The following NOX4 variants were observed in gnomAD, a reference collection of about 807,000 sequenced individuals.
The protein encoded by NOX4 is kidney oxidase-1.
In NOX4, 69 loss-of-function variants were observed where a neutral mutation model predicts 87.6. That is an observed-to-expected ratio of 0.79 (90% confidence interval 0.65 to 0.96). NOX4 has a LOEUF of 0.96. Ranked by LOEUF, NOX4 falls within the 40% of genes least tolerant of loss-of-function variation. The probability of loss-of-function intolerance (pLI) is 0.00; values close to 1 mark genes in which losing one functional copy is unlikely to be tolerated. For synonymous variants in NOX4, 275 were observed against 238.2 expected (o/e 1.15, Z -1.42); for missense variants, 680 against 681.5 (o/e 1.00, Z 0.02).
rs548582407 is a variant in NOX4 at position 89,416,067 on chromosome 11, T to C, written c.629+5835A>G. Among the ~76,000 whole-genome samples, 10 of 152,264 alleles carry C rather than the reference T, an allele frequency of 6.6e-5. No homozygotes were observed. The South Asian group carries it at 2.1e-3, about 32-fold the overall frequency. The stretch of plus-strand genomic sequence containing the variant: ...CATTAAAACAGTGCATTAGCCTCTC[T>C]TAAAACTTTCCCCACTGCCTAGGAG... On this transcript the variant is annotated intron_variant, in intron 8 of 17. Transcript: ENST00000263317.
chr11:89,349,716 C>T (rs926507113), intron 13 of NOX4, among the ~76,000 whole-genome samples: 14 of 152,146 alleles, frequency 9.2e-5, no homozygotes, highest in Non-Finnish European at 1.6e-4. Context: ...TTTATGAGAA[C>T]CAAGTAGAAA....
intron 2 of NOX4, among the ~76,000 whole-genome samples, chr11:89,482,231 T>C (rs1946421692): frequency 6.6e-6 from 1 of 152,040 alleles, no homozygotes; most frequent in South Asian, 2.1e-4. Flanking sequence ...CATTCTGGAA[T>C]GCTAGTGCTC....
chr11:89,434,909 C>G (rs746059874), intron 6 of NOX4, among the ~76,000 whole-genome samples: 13 of 152,006 alleles, frequency 8.6e-5, no homozygotes, highest in Non-Finnish European at 1.6e-4. Flanking sequence ...TATAACATTC[C>G]AGAAAATTCA....
the NOX4 span, among the ~76,000 whole-genome samples, chr11:89,538,210 G>A: frequency 2.0e-5 from 3 of 152,264 alleles, no homozygotes; most frequent in East Asian, 3.9e-4. Flanking sequence ...AAACCTGGCT[G>A]CATTTGTTTG....
At chr11:89,371,113 C>G (rs924793617) in intron 12 of NOX4, among the ~76,000 whole-genome samples, 3 of 151,940 alleles carry the variant, frequency 2.0e-5, no homozygotes, top group African/African-American at 7.2e-5. Context: ...ACCAATGATT[C>G]TTGATTTTGA....
At chr11:89,560,454 G>A in the NOX4 span, among the ~76,000 whole-genome samples, 8 of 152,096 alleles carry the variant, frequency 5.3e-5, no homozygotes, top group African/African-American at 1.9e-4. Flanking sequence ...GACAGCAATT[G>A]TGATGGTTAA....
At chr11:89,403,682 C>A (rs925334501) in intron 8 of NOX4, among the ~76,000 whole-genome samples, 9 of 152,014 alleles carry the variant, frequency 5.9e-5, no homozygotes, top group African/African-American at 1.7e-4. Context: ...GCGGAGGTTG[C>A]GGTGACCCTG....
the NOX4 span, among the ~76,000 whole-genome samples, chr11:89,532,890 T>G: frequency 6.6e-6 from 1 of 152,120 alleles, no homozygotes; most frequent in Non-Finnish European, 1.5e-5. Context: ...CCCTGCTCAC[T>G]CTTCCTCTCT....
the NOX4 span, among the ~76,000 whole-genome samples, chr11:89,560,996 C>CTATATATATATATA: frequency 1.2e-4 from 5 of 40,802 alleles, no homozygotes; most frequent in African/African-American, 5.2e-4. Context: ...CTCTCTCTCT[C>CTATATATATATATA]TATATATATA....
the NOX4 span, among the ~76,000 whole-genome samples, chr11:89,554,681 G>A: frequency 6.6e-6 from 1 of 152,078 alleles, no homozygotes; most frequent in Admixed American, 6.6e-5. Flanking sequence ...CTAAATCTAT[G>A]ACCCTCAGTT....
At chr11:89,542,282 C>T in the NOX4 span, among the ~76,000 whole-genome samples, 302 of 152,264 alleles carry the variant, frequency 2.0e-3, 2 homozygotes, top group Non-Finnish European at 2.7e-3. Context: ...AATTATAAAA[C>T]GAAAATATTA....
chr11:89,426,651 G>A (rs1001417505), intron 7 of NOX4, among the ~76,000 whole-genome samples: 5 of 152,152 alleles, frequency 3.3e-5, no homozygotes, highest in African/African-American at 1.2e-4. Flanking sequence ...AGATCGAAAT[G>A]CAAGGCAGCA....
chr11:89,484,590 C>T (rs1946514614), intron 2 of NOX4, among the ~76,000 whole-genome samples: 1 of 152,022 alleles, frequency 6.6e-6, no homozygotes, highest in African/African-American at 2.4e-5. Context: ...GACCAAGTCA[C>T]TAATTCAGTA....
At chr11:89,354,617 C>T (rs113556550) in intron 13 of NOX4, among the ~76,000 whole-genome samples, 1 of 152,046 alleles carries the variant, frequency 6.6e-6, no homozygotes, top group Admixed American at 6.6e-5. Context: ...ATTTAAAGGA[C>T]AGTAAATAGA....
At chr11:89,379,372 TA>T (rs201827736) in intron 11 of NOX4, among the ~76,000 whole-genome samples, 1,917 of 145,452 alleles carry the variant, frequency 0.013, 29 homozygotes, top group African/African-American at 0.039. Context: ...GGCTCATCAT[TA>T]AAAAAAAAAA....
chr11:89,496,411 A>AT (rs1946951053), upstream of NOX4, among the ~76,000 whole-genome samples: 1 of 152,212 alleles, frequency 6.6e-6, no homozygotes, highest in Non-Finnish European at 1.5e-5. Flanking sequence ...TTTATTTAGA[A>AT]TTGCCCTACA....
chr11:89,496,997 G>A (rs144291442), upstream of NOX4, among the ~76,000 whole-genome samples: 51 of 152,130 alleles, frequency 3.4e-4, 1 homozygote, highest in African/African-American at 1.2e-3. Flanking sequence ...TTCCAAGAGC[G>A]AATACACCTG....
chr11:89,570,001 CAAAAAAA>C, the NOX4 span, among the ~76,000 whole-genome samples: 754 of 109,950 alleles, frequency 6.9e-3, 3 homozygotes, highest in African/African-American at 0.015. Context: ...GACTCTGTCT[CAAAAAAA>C]AAAAAAAAAG....
chr11:89,436,609 A>G (rs1259326238), intron 6 of NOX4, among the ~76,000 whole-genome samples: 2 of 152,130 alleles, frequency 1.3e-5, no homozygotes, highest in Non-Finnish European at 2.9e-5. Flanking sequence ...TAATTTCTAG[A>G]TGAACCTGAG....
Sources: allele counts gnomAD v4.1 joint callset (sites outside exome capture counted in the v4.1 genomes callset), GRCh38; gene constraint gnomAD v4.1.1; transcripts MANE v1.5; gene names NCBI Gene and HGNC (gene_info 2026-07-23, HGNC 2026-07-21).